Variants in MBD2 observed in about 807,000 individuals in gnomAD.
MBD2 encodes the protein methyl-CpG binding domain protein 2.
In MBD2, 9 loss-of-function variants were observed where a neutral mutation model predicts 39.3. The observed-to-expected ratio is 0.23, with a 90% confidence interval of 0.14 to 0.40. The LOEUF is 0.40. Among genes scored for constraint, MBD2 ranks in the 10% least tolerant of loss-of-function variants. The pLI is 1.00. For missense variants in MBD2, 458 were observed against 532.6 expected (o/e 0.86, Z 1.38); for synonymous variants, 233 against 211.1 (o/e 1.10, Z -0.90).
At chr18:54,209,297 CAAAA>C (rs34165824) in intron 1 of MBD2, among the ~76,000 whole-genome samples, 23,926 of 66,260 alleles carry the variant, frequency 0.36, 2,058 homozygotes, top group South Asian at 0.51. Context: ...ACTCCATCTC[CAAAA>C]AAAAAAAAAA....
At chr18:54,186,694 T>C (rs1331983279) in intron 3 of MBD2, among the ~76,000 whole-genome samples, 3 of 152,166 alleles carry the variant, frequency 2.0e-5, no homozygotes, top group Admixed American at 2.0e-4. Context: ...ACTAATATCT[T>C]AGCACAATCA....
intron 1 of MBD2, among the ~76,000 whole-genome samples, chr18:54,220,996 GT>G (rs1322359571): frequency 6.6e-6 from 1 of 152,170 alleles, no homozygotes; most frequent in Non-Finnish European, 1.5e-5. Flanking sequence ...AATGAAACAG[GT>G]TTGGCACAAA....
At chr18:54,220,994 AG>A (rs1220975887) in intron 1 of MBD2, among the ~76,000 whole-genome samples, 2 of 152,216 alleles carry the variant, frequency 1.3e-5, no homozygotes, top group Non-Finnish European at 2.9e-5. Flanking sequence ...TGAATGAAAC[AG>A]GTTTGGCACA....
chr18:54,200,181 T>C (rs1187680888), intron 2 of MBD2, among the ~76,000 whole-genome samples: 2 of 151,964 alleles, frequency 1.3e-5, no homozygotes, highest in South Asian at 2.1e-4. Context: ...TTTGGGTGAA[T>C]AGAGAAATGT....
chr18:54,164,442 T>C (rs113953149), intron 5 of MBD2, 81 bp downstream of exon 5: 1 of 1,231,552 alleles, frequency 8.1e-7, no homozygotes, highest in Non-Finnish European at 1.2e-6. Flanking sequence ...TTACTAGATA[T>C]GCCACTGAAC....
chr18:54,175,966 T>C (rs2086210444), intron 3 of MBD2, among the ~76,000 whole-genome samples: 1 of 152,228 alleles, frequency 6.6e-6, no homozygotes, highest in Non-Finnish European at 1.5e-5. Flanking sequence ...TTTTTTCTAA[T>C]GAAAAAAATT....
chr18:54,212,903 G>A (rs533908949), intron 1 of MBD2, among the ~76,000 whole-genome samples: 2 of 151,732 alleles, frequency 1.3e-5, no homozygotes, highest in African/African-American at 4.8e-5. Flanking sequence ...ATGGTGGCAC[G>A]TGCCTGTAGT....
In MBD2 at chr18:54,211,426, A is replaced by G. The variant is rs111350849; in HGVS notation, c.543-6269T>C. Among the ~76,000 whole-genome samples, 780 of 126,128 alleles carry G rather than the reference A, an allele frequency of 6.2e-3. 10 individuals carry two copies. Among genetic ancestry groups the G allele is most frequent in the South Asian group, 0.02 (64 of 3,242 alleles). The allele number at this position is 126,128 out of a possible 152,430, so 82.7% of individuals were successfully genotyped here. On this transcript the variant is annotated intron_variant, in intron 1 of 6. Transcript: ENST00000256429. ...ACACACACACACACGCACACACGCAAGCACGCACGAGAAAAATCTACCTAA... is the reference window on the plus strand; with the variant it reads ...ACACACACACACACGCACACACGCAGGCACGCACGAGAAAAATCTACCTAA...
intron 3 of MBD2, among the ~76,000 whole-genome samples, chr18:54,181,676 AT>A (rs1456539397): frequency 3.3e-5 from 5 of 151,678 alleles, no homozygotes. Flanking sequence ...TTTTTTTTGT[AT>A]TTTTAGTAGA....
intron 3 of MBD2, among the ~76,000 whole-genome samples, chr18:54,186,525 G>A (rs1320183560): frequency 6.6e-6 from 1 of 152,058 alleles, no homozygotes; most frequent in Non-Finnish European, 1.5e-5. Flanking sequence ...ATCTAAACTG[G>A]AATACTTGGG....
intron 2 of MBD2, among the ~76,000 whole-genome samples, chr18:54,192,534 G>C (rs764532526): frequency 3.6e-4 from 55 of 152,176 alleles, no homozygotes; most frequent in Non-Finnish European, 7.4e-4. Flanking sequence ...CCCAGCCTTT[G>C]TTCTTAATAA....
At chr18:54,179,747 TATTTACAAAAAA>T (rs2144299849) in intron 3 of MBD2, among the ~76,000 whole-genome samples, 1 of 152,280 alleles carries the variant, frequency 6.6e-6, no homozygotes. Context: ...TGACAAAGAA[TATTTACAAAAAA>T]GCCTAGAGCA....
At position 54,170,448 on chromosome 18, in the gene MBD2, G is replaced by A. The variant is rs16957902; in HGVS notation, c.841-4282C>T. Among the ~76,000 whole-genome samples, 354 of 152,266 alleles carry A rather than the reference G, an allele frequency of 2.3e-3. 3 individuals carry two copies. The highest frequency in any genetic ancestry group is 7.8e-3 in the African/African-American group (325 of 41,538). ...CTCCTCGCCACCATTCACAGACACCGATCCCTATTCTGATGCTCTGGGAAC... is the reference window on the plus strand; with the variant it reads ...CTCCTCGCCACCATTCACAGACACCAATCCCTATTCTGATGCTCTGGGAAC... On this transcript the variant is annotated intron_variant, in intron 3 of 6. Coordinates refer to ENST00000256429, the MANE Select transcript of MBD2 (RefSeq NM_003927.5).
chr18:54,152,691 G>A lies in MBD2; in HGVS notation c.*2633C>T, dbSNP rs2086029141. 1 of 152,196 alleles carries A rather than the reference G, an allele frequency of 6.6e-6. No homozygotes were observed. Among genetic ancestry groups the A allele is most frequent in the South Asian group, 2.1e-4 (1 of 4,830 alleles). The allele number at this position is 152,196 out of a possible 1,614,324, so 9.4% of individuals were successfully genotyped here. On this transcript the variant is annotated 3_prime_UTR_variant, in exon 7 of 7. Transcript: ENST00000256429. ...GTTATTAGCAAATGCCTCTTGGAAAGGATGTAAAACTCACACCTGCAGGGA... is the reference window on the plus strand; with the variant it reads ...GTTATTAGCAAATGCCTCTTGGAAAAGATGTAAAACTCACACCTGCAGGGA...
intron 6 of MBD2, among the ~76,000 whole-genome samples, chr18:54,156,681 G>A (rs979001335): frequency 7.2e-5 from 11 of 151,986 alleles, no homozygotes; most frequent in African/African-American, 2.4e-4. Context: ...GGCGAAAACC[G>A]TCTCTAGAAA....
At chr18:54,160,553 T>C (rs1216735273) in intron 5 of MBD2, among the ~76,000 whole-genome samples, 1 of 145,200 alleles carries the variant, frequency 6.9e-6, no homozygotes, top group Admixed American at 6.9e-5. Context: ...CAAAGGAACC[T>C]CAAAAGTGAG....
chr18:54,168,796 CA>C (rs1389688347), intron 3 of MBD2, among the ~76,000 whole-genome samples: 6 of 151,688 alleles, frequency 4.0e-5, no homozygotes, highest in Non-Finnish European at 8.8e-5. Context: ...AACACTCACT[CA>C]AAGCTAAGAA....
intron 2 of MBD2, among the ~76,000 whole-genome samples, chr18:54,204,671 A>G (rs2086435476): frequency 6.6e-6 from 1 of 152,228 alleles, no homozygotes; most frequent in South Asian, 2.1e-4. Flanking sequence ...TACCTGACAC[A>G]TTAAAATTTT....
At chr18:54,169,993 C>T (rs1391586971) in intron 3 of MBD2, among the ~76,000 whole-genome samples, 1 of 152,192 alleles carries the variant, frequency 6.6e-6, no homozygotes, top group Non-Finnish European at 1.5e-5. Context: ...TGGGCAATGT[C>T]CTATCCAGGA....
Sources: gnomAD v4.1 joint callset for allele counts (sites outside exome capture counted in the v4.1 genomes callset) on GRCh38, gnomAD v4.1.1 for gene constraint, MANE v1.5 for transcripts, NCBI Gene and HGNC (gene_info 2026-07-23, HGNC 2026-07-21) for gene names.